Variants in DOK6 observed in about 807,000 individuals in gnomAD.
DOK6 encodes the protein docking protein 6.
DOK6 carries 22 observed loss-of-function variants against 44.0 expected under a neutral mutation model. The observed-to-expected ratio is 0.50, with a 90% confidence interval of 0.36 to 0.71. DOK6 has a LOEUF of 0.71. Ranked by LOEUF, DOK6 falls within the 30% of genes least tolerant of loss-of-function variation. The probability of loss-of-function intolerance (pLI) is 0.00; values close to 1 mark genes in which losing one functional copy is unlikely to be tolerated. For missense variants in DOK6, 340 were observed against 416.4 expected (o/e 0.82, Z 1.60); for synonymous variants, 166 against 145.5 (o/e 1.14, Z -1.01).
intron 1 of DOK6, among the ~76,000 whole-genome samples, chr18:69,471,332 C>A (rs945752292): frequency 6.8e-6 from 1 of 146,056 alleles, no homozygotes; most frequent in African/African-American, 2.5e-5. Context: ...TGGCTCCAGG[C>A]GAGAAGCCAC....
At chr18:69,667,222 A>T (rs1599252476) in intron 3 of DOK6, among the ~76,000 whole-genome samples, 1 of 152,182 alleles carries the variant, frequency 6.6e-6, no homozygotes, top group East Asian at 1.9e-4. Context: ...TTTTTATGCT[A>T]CTAGAAGTCA....
At chr18:69,503,146 TAATA>T (rs578260904) in intron 1 of DOK6, among the ~76,000 whole-genome samples, 236 of 152,272 alleles carry the variant, frequency 1.5e-3, no homozygotes, top group African/African-American at 5.5e-3. Context: ...AATATTTGTA[TAATA>T]AATAGCTACA....
intron 4 of DOK6, among the ~76,000 whole-genome samples, chr18:69,697,595 T>C (rs1259519440): frequency 1.3e-5 from 2 of 151,912 alleles, no homozygotes; most frequent in Non-Finnish European, 1.5e-5. Flanking sequence ...TCTTTTTACT[T>C]CCTGGAACTT....
chr18:69,538,078 CAT>C (rs1982169769), intron 1 of DOK6, among the ~76,000 whole-genome samples: 1 of 152,126 alleles, frequency 6.6e-6, no homozygotes, highest in Admixed American at 6.6e-5. Context: ...ACAGGGCTAT[CAT>C]TATTTTATTG....
intron 2 of DOK6, among the ~76,000 whole-genome samples, chr18:69,598,082 T>A (rs1217545600): frequency 6.6e-6 from 1 of 152,116 alleles, no homozygotes; most frequent in Non-Finnish European, 1.5e-5. Flanking sequence ...TTTTTTGTGT[T>A]CTTATTGGGG....
At chr18:69,826,521 G>T (rs1981745492) in intron 7 of DOK6, among the ~76,000 whole-genome samples, 2 of 152,084 alleles carry the variant, frequency 1.3e-5, no homozygotes, top group African/African-American at 4.8e-5. Flanking sequence ...TGGCTAATAA[G>T]GGTTGCTAAA....
At chr18:69,452,372 G>T (rs1202421159) in intron 1 of DOK6, among the ~76,000 whole-genome samples, 1 of 149,554 alleles carries the variant, frequency 6.7e-6, no homozygotes, top group Non-Finnish European at 1.5e-5. Flanking sequence ...GGAAGAAGTT[G>T]AATCTCTGAA....
chr18:69,792,288 T>C, intron 7 of DOK6, among the ~76,000 whole-genome samples: 1 of 152,094 alleles, frequency 6.6e-6, no homozygotes, highest in Non-Finnish European at 1.5e-5. Context: ...AAGAATGTTA[T>C]CGGTATTTTT....
chr18:69,403,621 A>C (rs1182235027), intron 1 of DOK6, among the ~76,000 whole-genome samples: 1 of 152,036 alleles, frequency 6.6e-6, no homozygotes, highest in African/African-American at 2.4e-5. Context: ...ATTAAATCAA[A>C]ATATTAAATT....
chr18:69,452,331 T>C (rs1333566698), intron 1 of DOK6, among the ~76,000 whole-genome samples: 4 of 151,316 alleles, frequency 2.6e-5, no homozygotes, highest in Admixed American at 1.3e-4. Flanking sequence ...GATACATTCC[T>C]CAACACATAC....
intron 6 of DOK6, among the ~76,000 whole-genome samples, chr18:69,756,529 G>C (rs768767061): frequency 2.6e-5 from 4 of 152,174 alleles, no homozygotes; most frequent in Non-Finnish European, 5.9e-5. Context: ...TTACTACTAA[G>C]AAAGTAAAAT....
intron 7 of DOK6, among the ~76,000 whole-genome samples, chr18:69,761,611 C>A (rs957392253): frequency 6.6e-6 from 1 of 152,094 alleles, no homozygotes; most frequent in African/African-American, 2.4e-5. Context: ...CCTTGCTACC[C>A]GTCAGGGCTG....
intron 7 of DOK6, among the ~76,000 whole-genome samples, chr18:69,840,463 T>C (rs1982182739): frequency 1.3e-5 from 2 of 152,254 alleles, no homozygotes; most frequent in African/African-American, 4.8e-5. Flanking sequence ...TTAGTTAGCA[T>C]GCATGCGTTT....
chr18:69,814,299 G>A (rs1981330584), intron 7 of DOK6, among the ~76,000 whole-genome samples: 1 of 152,168 alleles, frequency 6.6e-6, no homozygotes, highest in Non-Finnish European at 1.5e-5. Context: ...TGCAACCAAA[G>A]TGTATGTGCA....
In DOK6 at chr18:69,514,359, C is replaced by G. The variant is rs1981456942; in HGVS notation, c.67-50128C>G. 2.0e-5 allele frequency among the ~76,000 whole-genome samples: 3 copies of G among 152,112 alleles called. No individual in the cohort carries two copies. The South Asian group carries it at 6.2e-4, about 32-fold the overall frequency. ...CCTCTTGAAAAATTAACAAGACTTG[C>G]CTGACGTACTATATCGATTTTCAAA... On this transcript the variant is annotated intron_variant, in intron 1 of 7. Transcript: ENST00000382713.
intron 3 of DOK6, among the ~76,000 whole-genome samples, chr18:69,637,927 G>C (rs1390632712): frequency 6.6e-6 from 1 of 151,706 alleles, no homozygotes; most frequent in African/African-American, 2.4e-5. Flanking sequence ...CATAAGGATA[G>C]GAGATCTATA....
chr18:69,833,015 T>C (rs544712720), intron 7 of DOK6, among the ~76,000 whole-genome samples: 11 of 152,026 alleles, frequency 7.2e-5, no homozygotes, highest in South Asian at 2.1e-4. Flanking sequence ...TTCGATGCAA[T>C]CCCTATCAAA....
intron 7 of DOK6, among the ~76,000 whole-genome samples, chr18:69,839,604 C>T (rs2145139185): frequency 6.6e-6 from 1 of 152,348 alleles, no homozygotes; most frequent in South Asian, 2.1e-4. Flanking sequence ...GATGAGGAGG[C>T]TGCTTCAAGA....
chr18:69,598,908 ACCT>A (rs1568307253), intron 2 of DOK6, among the ~76,000 whole-genome samples: 2 of 152,118 alleles, frequency 1.3e-5, no homozygotes, highest in African/African-American at 4.8e-5. Flanking sequence ...TCTAAAATGT[ACCT>A]TTTGGAGCAA....
Sources: gnomAD v4.1 joint callset for allele counts (sites outside exome capture counted in the v4.1 genomes callset) on GRCh38, gnomAD v4.1.1 for gene constraint, MANE v1.5 for transcripts, NCBI Gene and HGNC (gene_info 2026-07-23, HGNC 2026-07-21) for gene names.